Variants in AGPAT3 observed in about 807,000 individuals in gnomAD.
AGPAT3 encodes 1-acyl-sn-glycerol-3-phosphate acyltransferase gamma.
AGPAT3 carries 5 observed loss-of-function variants against 47.3 expected under a neutral mutation model. The observed-to-expected ratio is 0.11, with a 90% CI of 0.06 to 0.22. The LOEUF is 0.22. Among genes scored for constraint, AGPAT3 ranks in the 10% least tolerant of loss-of-function variants. The pLI is 1.00. For missense variants in AGPAT3, 315 were observed against 493.0 expected, an observed-to-expected ratio of 0.64 and a Z score of 3.42; for synonymous variants, 212 against 208.3, an observed-to-expected ratio of 1.02 and a Z score of -0.15.
intron 3 of AGPAT3, 137 bp from the exon 4 acceptor site, chr21:43,967,807 CAG>C: frequency 1.3e-6 from 1 of 780,384 alleles, no homozygotes; most frequent in Non-Finnish European, 2.0e-6. Context: ...AAAACGTACT[CAG>C]TGTAAGTCAT....
At chr21:43,942,088 C>T (rs1452935881) in intron 2 of AGPAT3, among the ~76,000 whole-genome samples, 1 of 152,228 alleles carries the variant, frequency 6.6e-6, no homozygotes, top group Admixed American at 6.5e-5. Context: ...GAATTCGAGG[C>T]CTCAAGTGGT....
chr21:43,981,333 C>A lies in AGPAT3; in HGVS notation c.1042+146C>A. 1.1e-6 allele frequency: 1 copy of A among 889,178 alleles called. No homozygotes were observed. Among genetic ancestry groups the A allele is most frequent in the Non-Finnish European group, 1.7e-6 (1 of 574,992 alleles). The allele number at this position is 889,178 out of a possible 1,614,324, so 55.1% of individuals were successfully genotyped here. A position where few individuals can be genotyped will look rare whatever the true frequency, so the allele number is the denominator to read the frequency against. On this transcript the variant is annotated intron_variant, in intron 9 of 9. Transcript: ENST00000291572. The surrounding 1 kb of genome is among the most constrained non-coding windows in gnomAD (Gnocchi z 5.3). ...CCCTGGAGCCAGGATCCCCCCACGGCCTGCGGGCCTCAGAGCCTGGATTCT... is the reference window on the plus strand; with the variant it reads ...CCCTGGAGCCAGGATCCCCCCACGGACTGCGGGCCTCAGAGCCTGGATTCT...
intron 2 of AGPAT3, among the ~76,000 whole-genome samples, chr21:43,942,074 T>C (rs1054023265): frequency 6.6e-5 from 10 of 152,240 alleles, no homozygotes; most frequent in Non-Finnish European, 1.5e-4. Context: ...GTAAGTTAGC[T>C]GTGGAATTCG....
chr21:43,945,644 GACACT>G (rs2087853006), intron 2 of AGPAT3, among the ~76,000 whole-genome samples: 1 of 152,074 alleles, frequency 6.6e-6, no homozygotes, highest in Non-Finnish European at 1.5e-5. Context: ...CCTGTGAGGT[GACACT>G]CTGCAGCTCT....
rs1170099717 is a variant in AGPAT3 at position 43,986,093 on chromosome 21, C to CCGGCT, written c.*3703_*3707dup. 2.6e-5 allele frequency: 4 copies of CCGGCT among 152,260 alleles called. No homozygotes were observed. The highest frequency in any genetic ancestry group is 5.9e-5 in the Non-Finnish European group (4 of 68,054). The allele number at this position is 152,260 out of a possible 1,614,324, so 9.4% of individuals were successfully genotyped here. A position where few individuals can be genotyped will look rare whatever the true frequency, so the allele number is the denominator to read the frequency against. Reference sequence around the variant, plus strand: ...GGGCCGACCTGGGGGATGCAGACATCCGGCTCCGTATTCCTGCCTATCGGG... The same window carrying CCGGCT: ...GGGCCGACCTGGGGGATGCAGACATCCGGCTCGGCTCCGTATTCCTGCCTATCGGG... On this transcript the variant is annotated 3_prime_UTR_variant, in exon 10 of 10. Coordinates refer to ENST00000291572, the MANE Select transcript of AGPAT3 (RefSeq NM_020132.5).
At chr21:43,957,480 G>A (rs1352303971) in intron 2 of AGPAT3, among the ~76,000 whole-genome samples, 1 of 144,284 alleles carries the variant, frequency 6.9e-6, no homozygotes, top group Non-Finnish European at 1.5e-5. Flanking sequence ...CCCTCCACAC[G>A]GGGGGTCTCG....
chr21:43,974,433 CTG>C (rs767734088), intron 7 of AGPAT3, among the ~76,000 whole-genome samples: 4 of 146,448 alleles, frequency 2.7e-5, no homozygotes, highest in East Asian at 2.0e-4. Context: ...GTGTGTTGAA[CTG>C]TGTGTGGTAT....
Position 43,920,809 on chromosome 21 carries a change from C to T in AGPAT3, c.-49+16790C>T, listed in dbSNP as rs903100263. On this transcript the variant is annotated intron_variant, in intron 2 of 9. Coordinates refer to ENST00000291572, the MANE Select transcript of AGPAT3 (RefSeq NM_020132.5). The surrounding 1 kb of genome is among the most constrained non-coding windows in gnomAD (Gnocchi z 6.1). Reference sequence around the variant, plus strand: ...ACCCTGTGCATCTCTTCATCTGTATCTTTTGTAACATCCTTTATAAAAACC... The same window carrying T: ...ACCCTGTGCATCTCTTCATCTGTATTTTTTGTAACATCCTTTATAAAAACC... Among the ~76,000 whole-genome samples, 5 of 152,194 alleles carry T rather than the reference C, an allele frequency of 3.3e-5. No homozygotes were observed. The highest frequency in any genetic ancestry group is 7.4e-5 in the Non-Finnish European group (5 of 68,026).
At chr21:43,897,929 A>G (rs1601246711) in intron 1 of AGPAT3, among the ~76,000 whole-genome samples, 1 of 152,238 alleles carries the variant, frequency 6.6e-6, no homozygotes, top group South Asian at 2.1e-4. Context: ...ACTCGAGGTC[A>G]GGAGCTGGAG....
rs1044973533 is a variant in AGPAT3, at chr21:43,939,272, C to T, written c.-48-20362C>T. Among the ~76,000 whole-genome samples the T allele has an allele frequency of 2.6e-5, 4 of 151,834 alleles. No homozygotes were observed. Among genetic ancestry groups the T allele is most frequent in the South Asian group, 2.1e-4 (1 of 4,814 alleles). ...CCCCATCCCCGTCCCCGTGTGCTGT[C>T]GAGGGCCTCTAGCGGGCGCTCCCTT... On this transcript the variant is annotated intron_variant, in intron 2 of 9. Transcript: ENST00000291572. The surrounding 1 kb of genome is among the most constrained non-coding windows in gnomAD (Gnocchi z 4.4).
Position 43,959,838 on chromosome 21 carries a change from C to T in AGPAT3, c.157C>T (p.Leu53Phe). Residue 53 changes from leucine to phenylalanine, a missense_variant, in exon 3 of 10, where the codon CTC becomes TTC. Coordinates refer to ENST00000291572, the MANE Select transcript of AGPAT3 (RefSeq NM_020132.5). ...KQLYRRLNCR[L>F]AYSLWSQLVM... ...GCTCTACCGCCGCCTCAACTGCCGCCTCGCCTACTCACTCTGGAGCCGTGA... is the reference window on the plus strand; with the variant it reads ...GCTCTACCGCCGCCTCAACTGCCGCTTCGCCTACTCACTCTGGAGCCGTGA... 1 of 1,609,956 alleles carries T rather than the reference C, an allele frequency of 6.2e-7. No individual in the cohort carries two copies. The highest frequency in any genetic ancestry group is 1.1e-5 in the South Asian group (1 of 91,032).
rs1011604083 is a variant in AGPAT3 at position 43,985,085 on chromosome 21, C to T, written c.*2693C>T. ...GGGAGGGCCCAGGCCCACCCACGGG[C>T]GTCTGGCCGGTCAAGCTCCCAGCCT... On this transcript the variant is annotated 3_prime_UTR_variant, in exon 10 of 10. Transcript: ENST00000291572. 27 of 455,970 alleles carry T rather than the reference C, an allele frequency of 5.9e-5. No homozygotes were observed. In the East Asian group the frequency reaches 6.9e-4, roughly 12 times the overall value. The allele number at this position is 455,970 out of a possible 1,614,324, so 28.2% of individuals were successfully genotyped here.
Position 43,970,439 on chromosome 21 carries a change from C to G in AGPAT3, c.511-214C>G, listed in dbSNP as rs1480312556. On this transcript the variant is annotated intron_variant, in intron 5 of 9. Coordinates refer to ENST00000291572, the MANE Select transcript of AGPAT3 (RefSeq NM_020132.5). This position sits in a 1 kb window ranked among gnomAD's most constrained non-coding sequence, Gnocchi z 5.8. Reference sequence around the variant, plus strand: ...TGGAAAGTTCTTTCTGGAGAGCTCTCCTGTGTGAATGAACGTGTGTGACTG... The same window carrying G: ...TGGAAAGTTCTTTCTGGAGAGCTCTGCTGTGTGAATGAACGTGTGTGACTG... 6.6e-6 allele frequency among the ~76,000 whole-genome samples: 1 copy of G among 152,138 alleles called. No homozygotes were observed. The highest frequency in any genetic ancestry group is 2.4e-5 in the African/African-American group (1 of 41,402).
rs1341358307 is a variant in AGPAT3, at chr21:43,985,290, G to A, written c.*2898G>A. ...GTACCAGACGCGCACCCTATGTGAG[G>A]TGCTTTAAGGTCCCTGTCCTCAGGA... On this transcript the variant is annotated 3_prime_UTR_variant, in exon 10 of 10. Coordinates refer to ENST00000291572, the MANE Select transcript of AGPAT3 (RefSeq NM_020132.5). 3 of 447,348 alleles carry A rather than the reference G, an allele frequency of 6.7e-6. No individual in the cohort carries two copies. Among genetic ancestry groups the A allele is most frequent in the Non-Finnish European group, 1.4e-5 (3 of 221,318 alleles). The allele number at this position is 447,348 out of a possible 1,614,324, so 27.7% of individuals were successfully genotyped here.
At chr21:43,868,850 A>G (rs2085563539) in intron 1 of AGPAT3, among the ~76,000 whole-genome samples, 1 of 152,186 alleles carries the variant, frequency 6.6e-6, no homozygotes, top group Non-Finnish European at 1.5e-5. Flanking sequence ...AGAAACTGAC[A>G]GAGACACTGA....
chr21:43,903,788 A>T (rs1287908006), intron 1 of AGPAT3, 169 bp from the exon 2 acceptor site: 2 of 152,266 alleles, frequency 1.3e-5, no homozygotes, highest in Non-Finnish European at 2.9e-5. Context: ...CTTGACCCTG[A>T]TGTTTAAGTG....
At chr21:43,979,928 A>G (rs1364706723) in intron 8 of AGPAT3, among the ~76,000 whole-genome samples, 2 of 152,216 alleles carry the variant, frequency 1.3e-5, no homozygotes, top group Non-Finnish European at 2.9e-5. Flanking sequence ...AAAGAGATCA[A>G]CTAGAAAAAA....
chr21:43,887,865 G>T (rs190805902), intron 1 of AGPAT3, among the ~76,000 whole-genome samples: 2 of 152,282 alleles, frequency 1.3e-5, no homozygotes, highest in Admixed American at 1.3e-4. Context: ...TGTTGGCCAG[G>T]CTGGTCTCAA....
chr21:43,920,572 C>G lies in AGPAT3; in HGVS notation c.-49+16553C>G, dbSNP rs575780194. Among the ~76,000 whole-genome samples, 2 of 152,062 alleles carry G rather than the reference C, an allele frequency of 1.3e-5. No individual in the cohort carries two copies. The highest frequency in any genetic ancestry group is 4.8e-5 in the African/African-American group (2 of 41,390). ...TGTAATTAGAGGTTGGGACTCCACCCGTGGACCTCTGGGGAGGGGAGGGAG... is the reference window on the plus strand; with the variant it reads ...TGTAATTAGAGGTTGGGACTCCACCGGTGGACCTCTGGGGAGGGGAGGGAG... On this transcript the variant is annotated intron_variant, in intron 2 of 9. Coordinates refer to ENST00000291572, the MANE Select transcript of AGPAT3 (RefSeq NM_020132.5). This position sits in a 1 kb window ranked among gnomAD's most constrained non-coding sequence, Gnocchi z 6.1.
Sources: allele counts gnomAD v4.1 joint callset (sites outside exome capture counted in the v4.1 genomes callset), GRCh38; gene constraint gnomAD v4.1.1; non-coding constraint Gnocchi (gnomAD v3.1); transcripts MANE v1.5; gene names NCBI Gene and HGNC (gene_info 2026-07-23, HGNC 2026-07-21).